Variants in DDX60 observed in about 807,000 individuals in gnomAD.
DDX60 encodes DExD/H-box helicase 60.
A neutral mutation model predicts 212.8 loss-of-function variants in DDX60; 165 were observed. The observed-to-expected ratio is 0.78, with a 90% CI of 0.68 to 0.88. The LOEUF is 0.88. Ranked by LOEUF, DDX60 falls within the 40% of genes least tolerant of loss-of-function variation. DDX60 has a pLI of 0.00. For synonymous variants in DDX60, 703 were observed against 685.3 expected (o/e 1.03, Z -0.40); for missense variants, 1,905 against 2,003.9 (o/e 0.95, Z 0.94).
At chr4:168,306,120 C>T (rs1736863592) in intron 5 of DDX60, among the ~76,000 whole-genome samples, 1 of 152,168 alleles carries the variant, frequency 6.6e-6, no homozygotes, top group South Asian at 2.1e-4. Context: ...ACAGACAATA[C>T]TTAACACCTA....
At chr4:168,226,210 TAGAA>T (rs1378763158) in intron 33 of DDX60, among the ~76,000 whole-genome samples, 6 of 152,118 alleles carry the variant, frequency 3.9e-5, no homozygotes, top group South Asian at 4.1e-4. Context: ...CTTTTGCCCT[TAGAA>T]AGAGTAAATA....
intron 6 of DDX60, among the ~76,000 whole-genome samples, chr4:168,300,598 G>T: frequency 6.6e-6 from 1 of 151,956 alleles, no homozygotes; most frequent in East Asian, 1.9e-4. Flanking sequence ...GTGTGTGTGT[G>T]TGTGTGTGTG....
At chr4:168,247,114 G>C (rs916062631) in intron 29 of DDX60, among the ~76,000 whole-genome samples, 3 of 152,154 alleles carry the variant, frequency 2.0e-5, no homozygotes, top group Admixed American at 1.3e-4. Flanking sequence ...TGCTACTTGT[G>C]AAAAAGCAAG....
intron 27 of DDX60, 24 bp from the exon 28 acceptor site, chr4:168,251,130 G>T (rs767279757): frequency 1.9e-6 from 3 of 1,578,244 alleles, no homozygotes; most frequent in Non-Finnish European, 1.7e-6. Flanking sequence ...GACATTTAGG[G>T]ATTATGATTT....
intron 6 of DDX60, among the ~76,000 whole-genome samples, chr4:168,301,770 A>G (rs1044913765): frequency 2.0e-5 from 3 of 152,226 alleles, no homozygotes; most frequent in Admixed American, 1.3e-4. Context: ...GTCACAAAGC[A>G]TGTCCTTCAA....
chr4:168,235,154 C>T (rs1733588888), intron 33 of DDX60, among the ~76,000 whole-genome samples: 1 of 151,752 alleles, frequency 6.6e-6, no homozygotes, highest in South Asian at 2.1e-4. Flanking sequence ...TATAATGGGA[C>T]TTTAGGAATT....
At chr4:168,307,956 T>A (rs769269381) in intron 4 of DDX60, 50 bp downstream of exon 4, 1 of 1,158,460 alleles carries the variant, frequency 8.6e-7, no homozygotes, top group Non-Finnish European at 1.2e-6. Context: ...ATTTAGGAAA[T>A]TTTAGTTTTA....
rs576925358 is a variant in DDX60, at chr4:168,304,327, G to C, written c.607-1911C>G. On this transcript the variant is annotated intron_variant, in intron 5 of 37. Coordinates refer to ENST00000393743, the MANE Select transcript of DDX60 (RefSeq NM_017631.6). Reference sequence around the variant, plus strand: ...TGTGTATGCCTAGGCTAATGTGTGTGTTTGCATCTTTTTTTCTTTTAAGAA... The same window carrying C: ...TGTGTATGCCTAGGCTAATGTGTGTCTTTGCATCTTTTTTTCTTTTAAGAA... Among the ~76,000 whole-genome samples, 36 of 152,154 alleles carry C rather than the reference G, an allele frequency of 2.4e-4. No homozygotes were observed. In the South Asian group the frequency reaches 7.5e-3, roughly 32 times the overall value.
At chr4:168,314,032 G>A (rs1372021984) in intron 1 of DDX60, among the ~76,000 whole-genome samples, 1 of 152,134 alleles carries the variant, frequency 6.6e-6, no homozygotes, top group African/African-American at 2.4e-5. Flanking sequence ...CCTATGGGAA[G>A]TTTGAGATCC....
rs150120023 is a variant in DDX60 at position 168,291,847 on chromosome 4, G to C, written c.942C>G (p.Leu314=). ...GCAGATGGAGTAGAAAAACCACAGTGAGACAATGCAGTTTACACAAATCTT... is the reference window on the plus strand; with the variant it reads ...GCAGATGGAGTAGAAAAACCACAGTCAGACAATGCAGTTTACACAAATCTT... ...EMEDLCKLHC[L]TVVFLLHLPL... Residue 314 remains leucine, a synonymous_variant, in exon 8 of 38, where the codon CTC becomes CTG. Transcript: ENST00000393743. 8 of 1,613,562 alleles carry C rather than the reference G, an allele frequency of 5.0e-6. No individual in the cohort carries two copies. The highest frequency in any genetic ancestry group is 6.8e-6 in the Non-Finnish European group (8 of 1,179,760).
chr4:168,293,095 G>C (rs994007227), intron 7 of DDX60, among the ~76,000 whole-genome samples: 1 of 152,174 alleles, frequency 6.6e-6, no homozygotes, highest in Non-Finnish European at 1.5e-5. Flanking sequence ...GCGTCTGAGT[G>C]TGTAAGTGTG....
chr4:168,225,040 TA>T (rs1733200946), intron 34 of DDX60, among the ~76,000 whole-genome samples: 1 of 151,982 alleles, frequency 6.6e-6, no homozygotes, highest in African/African-American at 2.4e-5. Flanking sequence ...CTTAATCATT[TA>T]AAACTCATCA....
chr4:168,306,266 C>A, intron 5 of DDX60, 113 bp downstream of exon 5: 1 of 630,582 alleles, frequency 1.6e-6, no homozygotes, highest in Non-Finnish European at 2.7e-6. Flanking sequence ...ATTGTTATAC[C>A]TATCTGTTAA....
chr4:168,219,297 A>C (rs973476503), intron 37 of DDX60, among the ~76,000 whole-genome samples: 3 of 151,968 alleles, frequency 2.0e-5, no homozygotes, highest in African/African-American at 7.2e-5. Flanking sequence ...CGTCTCCAAA[A>C]AAAAAAAAAA....
At chr4:168,243,169 G>A (rs1217627291) in intron 30 of DDX60, among the ~76,000 whole-genome samples, 1 of 152,082 alleles carries the variant, frequency 6.6e-6, no homozygotes, top group Non-Finnish European at 1.5e-5. Context: ...TTTGTAAATT[G>A]CCCAGTCTTG....
intron 28 of DDX60, 47 bp from the exon 29 acceptor site, chr4:168,248,339 G>T: frequency 1.5e-6 from 2 of 1,367,870 alleles, no homozygotes; most frequent in South Asian, 1.4e-5. Context: ...CATTTTAATA[G>T]AATGCAAGTA....
intron 13 of DDX60, 53 bp downstream of exon 13, chr4:168,283,393 C>T (rs2149527691): frequency 6.5e-7 from 1 of 1,536,612 alleles, no homozygotes; most frequent in Non-Finnish European, 8.9e-7. Flanking sequence ...ACATATCAAC[C>T]TGATAAAAGA....
intron 35 of DDX60, among the ~76,000 whole-genome samples, chr4:168,222,499 T>G (rs1364349837): frequency 6.6e-6 from 1 of 151,946 alleles, no homozygotes; most frequent in Non-Finnish European, 1.5e-5. Context: ...ACTAAGAAAA[T>G]TCATACATAA....
Position 168,230,179 on chromosome 4 carries a change from A to T in DDX60, c.4534-4503T>A, listed in dbSNP as rs1254660087. On this transcript the variant is annotated intron_variant, in intron 33 of 37. Coordinates refer to ENST00000393743, the MANE Select transcript of DDX60 (RefSeq NM_017631.6). ...CCAACAGGAACACTTCACAATCCTAAATATATATACACCTAATACTGGAGC... is the reference window on the plus strand; with the variant it reads ...CCAACAGGAACACTTCACAATCCTATATATATATACACCTAATACTGGAGC... Among the ~76,000 whole-genome samples the T allele has an allele frequency of 6.6e-5, 10 of 152,122 alleles. 1 individual carries two copies. The highest frequency in any genetic ancestry group is 5.8e-4 in the East Asian group (3 of 5,196).
Sources: gnomAD v4.1 joint callset for allele counts (sites outside exome capture counted in the v4.1 genomes callset) on GRCh38, gnomAD v4.1.1 for gene constraint, MANE v1.5 for transcripts, NCBI Gene and HGNC (gene_info 2026-07-23, HGNC 2026-07-21) for gene names.